Variants in CACNA1C observed in about 807,000 individuals in gnomAD.
The protein encoded by CACNA1C is calcium voltage-gated channel subunit alpha1 C.
A neutral mutation model predicts 229.0 loss-of-function variants in CACNA1C; 30 were observed. That is an observed-to-expected ratio of 0.13 (90% CI 0.10 to 0.18). The LOEUF (loss-of-function observed/expected upper bound fraction) is 0.18, where lower values mean the gene tolerates loss of function less well. Ranked by LOEUF, CACNA1C falls within the 10% of genes least tolerant of loss-of-function variation. The probability of loss-of-function intolerance (pLI) is 1.00; values close to 1 mark genes in which losing one functional copy is unlikely to be tolerated. For synonymous variants in CACNA1C, 1,114 were observed against 1,132.5 expected, an observed-to-expected ratio of 0.98 and a Z score of 0.33; for missense variants, 1,658 against 2,845.0, an observed-to-expected ratio of 0.58 and a Z score of 9.49.
chr12:2,672,900 G>T (rs1252054533), intron 38 of CACNA1C, among the ~76,000 whole-genome samples: 1 of 152,186 alleles, frequency 6.6e-6, no homozygotes, highest in East Asian at 1.9e-4. Flanking sequence ...TCCCGTGATG[G>T]GGACTGATCA....
chr12:2,314,122 C>T (rs559364380), intron 3 of CACNA1C, among the ~76,000 whole-genome samples: 1 of 152,290 alleles, frequency 6.6e-6, no homozygotes, highest in South Asian at 2.1e-4. Context: ...ATCAGGGAAT[C>T]TAGCCACGTC....
In CACNA1C at chr12:2,492,563, G is replaced by A. The variant is rs373321801; in HGVS notation, c.917-627G>A. On this transcript the variant is annotated intron_variant, in intron 6 of 46. Coordinates refer to ENST00000399655, the MANE Select transcript of CACNA1C (RefSeq NM_000719.7). ...ACGGCTGCAGGTGATCCCTCTCCCC[G>A]GCAGTCAGAGTCCGTTTTCCGTCTT... Among the ~76,000 whole-genome samples, 190 of 152,302 alleles carry A rather than the reference G, an allele frequency of 1.2e-3. 4 individuals are homozygous for A. In the South Asian group the frequency reaches 0.032, roughly 25 times the overall value.
intron 3 of CACNA1C, among the ~76,000 whole-genome samples, chr12:2,139,066 A>T (rs974761890): frequency 6.6e-6 from 1 of 150,942 alleles, no homozygotes; most frequent in South Asian, 2.1e-4. Context: ...TTGGTGGCTT[A>T]AAACAATAGA....
chr12:2,393,071 C>T lies in CACNA1C; in HGVS notation c.478-55905C>T, dbSNP rs557008302. ...ACATGCCCCTCAGCCAGACCTCACC[C>T]TGGGAGCTGCTCCGGAGTCAACAGC... On this transcript the variant is annotated intron_variant, in intron 3 of 46. Coordinates refer to ENST00000399655, the MANE Select transcript of CACNA1C (RefSeq NM_000719.7). Among the ~76,000 whole-genome samples, 3 of 152,304 alleles carry T rather than the reference C, an allele frequency of 2.0e-5. No homozygotes were observed. The South Asian group carries it at 6.2e-4, about 32-fold the overall frequency.
In CACNA1C at chr12:2,677,677, T is replaced by C. The variant is rs2096894271; in HGVS notation, c.4957-56T>C. Reference sequence around the variant, plus strand: ...GTCTTGGCCCGAGGCTGTGGCTGGCTGGGGAGCTTGGAGGAAAGGGAGCGT... The same window carrying C: ...GTCTTGGCCCGAGGCTGTGGCTGGCCGGGGAGCTTGGAGGAAAGGGAGCGT... On this transcript the variant is annotated intron_variant, in intron 40 of 46. Coordinates refer to ENST00000399655, the MANE Select transcript of CACNA1C (RefSeq NM_000719.7). The surrounding 1 kb of genome is among the most constrained non-coding windows in gnomAD (Gnocchi z 7.4). The C allele has an allele frequency of 3.8e-6, 6 of 1,574,658 alleles. No individual in the cohort carries two copies. Among genetic ancestry groups the C allele is most frequent in the Non-Finnish European group, 5.2e-6 (6 of 1,159,986 alleles).
At chr12:2,450,661 C>T (rs977248898) in intron 4 of CACNA1C, among the ~76,000 whole-genome samples, 3 of 151,488 alleles carry the variant, frequency 2.0e-5, no homozygotes, top group Non-Finnish European at 2.9e-5. Flanking sequence ...GAGAAGAAGC[C>T]GGTTCCTTTG....
intron 3 of CACNA1C, among the ~76,000 whole-genome samples, chr12:2,273,584 G>T (rs2086173787): frequency 6.6e-6 from 1 of 152,200 alleles, no homozygotes; most frequent in Admixed American, 6.5e-5. Context: ...ATGGGGAGAG[G>T]CATGTGACCT....
At position 2,677,790 on chromosome 12, in the gene CACNA1C, G is replaced by A; in HGVS notation, c.5014G>A (p.Asp1672Asn). Residue 1672 changes from aspartate (D) to asparagine (N), a missense_variant, in exon 41 of 47, where the codon GAT (aspartate) becomes AAT (asparagine). Physicochemically the swap from Asp to Asn is conservative, Grantham distance 23 (BLOSUM62 1). Around this residue, in one of 20 missense-constraint regions of CACNA1C, gnomAD observed 590 missense variants for 700.8 expected, o/e 0.84. Coordinates refer to ENST00000399655, the MANE Select transcript of CACNA1C (RefSeq NM_000719.7). This position sits in a 1 kb window ranked among gnomAD's most constrained non-coding sequence, Gnocchi z 7.4. ...GPEIRRAISG[D>N]LTAEEELDKA... is the part of the protein sequence containing the mutation. The stretch of plus-strand genomic sequence containing the variant: ...TGAGATCCGACGGGCCATCTCTGGA[G>A]ATCTCACCGCTGAGGAGGAGCTGGA... 6.2e-7 allele frequency: 1 copy of A among 1,614,022 alleles called. No homozygotes were observed. Among genetic ancestry groups the A allele is most frequent in the Non-Finnish European group, 8.5e-7 (1 of 1,179,894 alleles).
At chr12:2,093,557 C>G (rs1334321737) in intron 1 of CACNA1C, among the ~76,000 whole-genome samples, 1 of 152,220 alleles carries the variant, frequency 6.6e-6, no homozygotes, top group Admixed American at 6.5e-5. Context: ...ACTCGTGTAC[C>G]TGCGTGCATG....
Position 2,693,967 on chromosome 12 carries a change from G to A in CACNA1C, c.*2768G>A, listed in dbSNP as rs749427218. ...TGGAGAAATGTACTCAATACTCCCC[G>A]GTTAACACAGTCTAGAAACAGAGTT... On this transcript the variant is annotated 3_prime_UTR_variant, in exon 47 of 47. Transcript: ENST00000399655. 4 of 152,124 alleles carry A rather than the reference G, an allele frequency of 2.6e-5. No individual in the cohort carries two copies. The highest frequency in any genetic ancestry group is 4.4e-5 in the Non-Finnish European group (3 of 68,042). The allele number at this position is 152,124 out of a possible 1,614,324, so 9.4% of individuals were successfully genotyped here. A position where few individuals can be genotyped will look rare whatever the true frequency, so the allele number is the denominator to read the frequency against.
chr12:2,323,533 C>T (rs1315236653), intron 3 of CACNA1C, among the ~76,000 whole-genome samples: 2 of 152,126 alleles, frequency 1.3e-5, no homozygotes, highest in Non-Finnish European at 2.9e-5. Flanking sequence ...TCAGCTGGCC[C>T]CACCACACCT....
At chr12:2,140,992 G>A (rs1326068494) in intron 3 of CACNA1C, among the ~76,000 whole-genome samples, 1 of 151,178 alleles carries the variant, frequency 6.6e-6, no homozygotes, top group African/African-American at 2.4e-5. Flanking sequence ...TAGGCAGGGA[G>A]GGTCTCTCTG....
intron 10 of CACNA1C, among the ~76,000 whole-genome samples, chr12:2,553,513 G>A (rs983085185): frequency 6.6e-6 from 1 of 152,328 alleles, no homozygotes; most frequent in South Asian, 2.1e-4. Context: ...CCAGTGAGTC[G>A]TCGAGAGGAT....
At chr12:2,086,583 T>G (rs1290562720) in intron 1 of CACNA1C, among the ~76,000 whole-genome samples, 3 of 152,206 alleles carry the variant, frequency 2.0e-5, no homozygotes, top group African/African-American at 7.2e-5. Context: ...CAATACGAGT[T>G]TAATTTTCAG....
intron 3 of CACNA1C, among the ~76,000 whole-genome samples, chr12:2,227,075 T>TG (rs533119544): frequency 1.3e-3 from 201 of 152,318 alleles, no homozygotes; most frequent in African/African-American, 4.1e-3. Flanking sequence ...TGCTGGGTGA[T>TG]GGGGGGATTG....
intron 3 of CACNA1C, among the ~76,000 whole-genome samples, chr12:2,262,940 G>C (rs1215670137): frequency 1.3e-5 from 2 of 152,162 alleles, no homozygotes; most frequent in Non-Finnish European, 1.5e-5. Flanking sequence ...CTGCAAGGAG[G>C]TTGCACTTTT....
At chr12:2,515,993 C>T (rs775802699) in intron 9 of CACNA1C, among the ~76,000 whole-genome samples, 8 of 151,808 alleles carry the variant, frequency 5.3e-5, no homozygotes, top group Non-Finnish European at 8.8e-5. Context: ...TCCCTGCCCT[C>T]GTGGAACTTA....
At chr12:2,438,247 GATA>G (rs1392653776) in intron 3 of CACNA1C, among the ~76,000 whole-genome samples, 1 of 147,596 alleles carries the variant, frequency 6.8e-6, no homozygotes, top group African/African-American at 2.5e-5. Context: ...GGATGGTGAT[GATA>G]ATGATGGTGA....
intron 1 of CACNA1C, among the ~76,000 whole-genome samples, chr12:2,076,736 T>C (rs533019201): frequency 3.9e-5 from 6 of 152,298 alleles, no homozygotes; most frequent in Non-Finnish European, 8.8e-5. Flanking sequence ...ATTGCTGTTT[T>C]TAATGGGATG....
Sources: allele counts gnomAD v4.1 joint callset (sites outside exome capture counted in the v4.1 genomes callset), GRCh38; gene constraint gnomAD v4.1.1; regional missense constraint gnomAD v4.1.1; non-coding constraint Gnocchi (gnomAD v3.1); transcripts MANE v1.5; gene names NCBI Gene and HGNC (gene_info 2026-07-23, HGNC 2026-07-21).